The following CTNNA3 variants were observed in gnomAD, a reference collection of about 807,000 sequenced individuals.
CTNNA3 encodes the protein catenin alpha-3.
Under a neutral mutation model 95.7 loss-of-function variants are expected in CTNNA3, and 76 were observed. The ratio of observed to expected loss-of-function variants is 0.79; its 90% CI spans 0.66 to 0.96. The LOEUF (loss-of-function observed/expected upper bound fraction) is 0.96, where lower values mean the gene tolerates loss of function less well. Among genes scored for constraint, CTNNA3 ranks in the 40% least tolerant of loss-of-function variants. The probability of loss-of-function intolerance (pLI) is 0.00; values close to 1 mark genes in which losing one functional copy is unlikely to be tolerated. For missense variants in CTNNA3, 1,191 were observed against 1,089.8 expected (o/e 1.09, Z -1.31); for synonymous variants, 431 against 374.4 (o/e 1.15, Z -1.74).
intron 11 of CTNNA3, among the ~76,000 whole-genome samples, chr10:66,517,669 A>T (rs1431063342): frequency 6.6e-6 from 1 of 152,112 alleles, no homozygotes; most frequent in East Asian, 1.9e-4. Flanking sequence ...CTGCTCTGTT[A>T]ATGAAGTACC....
chr10:67,377,535 G>A (rs1843740746), intron 5 of CTNNA3, among the ~76,000 whole-genome samples: 1 of 152,112 alleles, frequency 6.6e-6, no homozygotes, highest in Non-Finnish European at 1.5e-5. Context: ...ACAGGGTCTG[G>A]AAATTTGGGG....
chr10:67,390,091 A>T (rs1844390595), intron 5 of CTNNA3, among the ~76,000 whole-genome samples: 1 of 152,236 alleles, frequency 6.6e-6, no homozygotes, highest in African/African-American at 2.4e-5. Flanking sequence ...AGACATAAAA[A>T]ACCCTTCAAA....
At chr10:66,563,407 C>A (rs1278382826) in intron 10 of CTNNA3, among the ~76,000 whole-genome samples, 2 of 151,980 alleles carry the variant, frequency 1.3e-5, no homozygotes, top group Admixed American at 1.3e-4. Flanking sequence ...ATTTGGTTTT[C>A]TTTGCTGAAA....
At chr10:67,449,512 T>C (rs1211184618) in intron 5 of CTNNA3, among the ~76,000 whole-genome samples, 1 of 152,038 alleles carries the variant, frequency 6.6e-6, no homozygotes, top group African/African-American at 2.4e-5. Flanking sequence ...GCTGTATACC[T>C]ACAACTATGT....
chr10:66,141,143 C>A (rs188808387), intron 13 of CTNNA3, among the ~76,000 whole-genome samples: 65 of 151,874 alleles, frequency 4.3e-4, no homozygotes, highest in African/African-American at 1.5e-3. Context: ...CCTGTAATCC[C>A]AGCTGCTCAG....
chr10:67,542,220 A>G (rs983841793), intron 3 of CTNNA3, among the ~76,000 whole-genome samples: 1 of 151,936 alleles, frequency 6.6e-6, no homozygotes, highest in African/African-American at 2.4e-5. Context: ...TTCAGCCCAC[A>G]CTCTGGTCCT....
chr10:65,993,152 T>C (rs921093448), intron 15 of CTNNA3, among the ~76,000 whole-genome samples: 2 of 152,212 alleles, frequency 1.3e-5, no homozygotes, highest in Non-Finnish European at 2.9e-5. Context: ...ATTTGTTTTG[T>C]TGCCTGACAT....
intron 5 of CTNNA3, among the ~76,000 whole-genome samples, chr10:67,240,715 T>C (rs184265116): frequency 9.4e-4 from 143 of 152,290 alleles, no homozygotes; most frequent in Non-Finnish European, 1.7e-3. Flanking sequence ...GGGCCATTAA[T>C]GCATACCTTG....
At chr10:66,438,702 T>TG (rs1230521228) in intron 11 of CTNNA3, among the ~76,000 whole-genome samples, 3 of 152,076 alleles carry the variant, frequency 2.0e-5, no homozygotes, top group Non-Finnish European at 4.4e-5. Context: ...GCGGAGTAAA[T>TG]GGTTCTGTCT....
At chr10:67,284,069 C>G (rs1469264509) in intron 5 of CTNNA3, among the ~76,000 whole-genome samples, 2 of 152,150 alleles carry the variant, frequency 1.3e-5, no homozygotes, top group Non-Finnish European at 2.9e-5. Flanking sequence ...TGGGGAAGCT[C>G]TCCCTTTGCC....
At chr10:66,461,483 A>G (rs550735355) in intron 11 of CTNNA3, among the ~76,000 whole-genome samples, 18 of 152,172 alleles carry the variant, frequency 1.2e-4, no homozygotes, top group African/African-American at 4.1e-4. Flanking sequence ...TTCCTACGAA[A>G]TTAACAACTG....
chr10:67,624,323 G>A (rs936774411), intron 2 of CTNNA3, among the ~76,000 whole-genome samples: 4 of 152,126 alleles, frequency 2.6e-5, no homozygotes, highest in African/African-American at 2.4e-5. Context: ...CTGGACAGAC[G>A]TTTGTCAAAA....
At chr10:66,246,774 T>C (rs1236209536) in intron 13 of CTNNA3, among the ~76,000 whole-genome samples, 1 of 151,772 alleles carries the variant, frequency 6.6e-6, no homozygotes, top group Non-Finnish European at 1.5e-5. Context: ...AGTTTTGGGA[T>C]GGGAGCAGTG....
At chr10:66,401,632 C>T (rs889563948) in intron 11 of CTNNA3, among the ~76,000 whole-genome samples, 33 of 150,178 alleles carry the variant, frequency 2.2e-4, no homozygotes, top group African/African-American at 7.8e-4. Context: ...CAAGTTGGTT[C>T]CATCATTAAA....
Position 67,755,819 on chromosome 10 carries a change from A to G in CTNNA3, c.-2+7615T>C, listed in dbSNP as rs200148142. Among the ~76,000 whole-genome samples the G allele has an allele frequency of 1.7e-3, 244 of 145,196 alleles. 2 individuals carry two copies. Among genetic ancestry groups the G allele is most frequent in the South Asian group, 4.0e-3 (19 of 4,704 alleles). ...CTCTGCCTCAAAAAAAAAAAAAAAAAAAAGAAAGAAAGAAAGAAAAGAAAA... is the reference window on the plus strand; with the variant it reads ...CTCTGCCTCAAAAAAAAAAAAAAAAGAAAGAAAGAAAGAAAGAAAAGAAAA... On this transcript the variant is annotated intron_variant, in intron 1 of 17. Coordinates refer to the CTNNA3 transcript ENST00000684154.
At chr10:67,078,803 A>G (rs1856879339) in intron 7 of CTNNA3, among the ~76,000 whole-genome samples, 1 of 152,154 alleles carries the variant, frequency 6.6e-6, no homozygotes, top group Admixed American at 6.5e-5. Flanking sequence ...GATGTGAGCC[A>G]CCGCACCCGG....
intron 2 of CTNNA3, among the ~76,000 whole-genome samples, chr10:67,622,392 GAAAGATAA>G (rs1348250234): frequency 2.6e-5 from 4 of 152,328 alleles, no homozygotes; most frequent in South Asian, 2.1e-4. Context: ...AGCTGTGATT[GAAAGATAA>G]AGTATTAACA....
chr10:66,190,972 G>T (rs970860602), intron 13 of CTNNA3, among the ~76,000 whole-genome samples: 1 of 152,094 alleles, frequency 6.6e-6, no homozygotes, highest in Non-Finnish European at 1.5e-5. Flanking sequence ...GCCTGAGGAA[G>T]ATGATCATTA....
intron 9 of CTNNA3, among the ~76,000 whole-genome samples, chr10:66,688,694 G>A (rs368645129): frequency 6.6e-5 from 10 of 152,184 alleles, no homozygotes; most frequent in East Asian, 3.9e-4. Flanking sequence ...GAGACCGGCC[G>A]GGCGCGGTGG....
Sources: allele counts gnomAD v4.1 joint callset (sites outside exome capture counted in the v4.1 genomes callset), GRCh38; gene constraint gnomAD v4.1.1; transcripts MANE v1.5; gene names NCBI Gene and HGNC (gene_info 2026-07-23, HGNC 2026-07-21).